Variants in CTNNA2 observed in about 807,000 individuals in gnomAD.
CTNNA2 encodes the protein catenin alpha-2.
A neutral mutation model predicts 101.0 loss-of-function variants in CTNNA2; 42 were observed. The ratio of observed to expected loss-of-function variants is 0.42; its 90% CI spans 0.32 to 0.54. CTNNA2 has a LOEUF of 0.54. Ranked by LOEUF, CTNNA2 falls within the 20% of genes least tolerant of loss-of-function variation. CTNNA2 has a pLI of 0.14. For synonymous variants in CTNNA2, 450 were observed against 456.4 expected, an observed-to-expected ratio of 0.99 and a Z score of 0.18; for missense variants, 871 against 1,223.1, an observed-to-expected ratio of 0.71 and a Z score of 4.29.
chr2:79,635,227 C>T (rs192974922), intron 1 of CTNNA2, among the ~76,000 whole-genome samples: 4 of 152,102 alleles, frequency 2.6e-5, no homozygotes, highest in Admixed American at 1.3e-4. Flanking sequence ...GAAAGGAATT[C>T]GAGACCATCC....
At chr2:79,938,312 A>AT (rs1687925256) in intron 7 of CTNNA2, among the ~76,000 whole-genome samples, 1 of 152,166 alleles carries the variant, frequency 6.6e-6, no homozygotes, top group African/African-American at 2.4e-5. Flanking sequence ...TCATTATATG[A>AT]TTTTTTCACA....
intron 1 of CTNNA2, among the ~76,000 whole-genome samples, chr2:79,650,971 AT>A (rs1558803861): frequency 6.6e-6 from 1 of 152,126 alleles, no homozygotes; most frequent in African/African-American, 2.4e-5. Context: ...TGAACTCATC[AT>A]TTTTTATGGC....
intron 2 of CTNNA2, among the ~76,000 whole-genome samples, chr2:79,286,345 G>A (rs1558603531): frequency 6.6e-6 from 1 of 152,194 alleles, no homozygotes; most frequent in Non-Finnish European, 1.5e-5. Flanking sequence ...TTTCTTCCTA[G>A]TCTTGATGGT....
At chr2:80,175,888 A>G (rs918567000) in intron 7 of CTNNA2, among the ~76,000 whole-genome samples, 6 of 152,184 alleles carry the variant, frequency 3.9e-5, no homozygotes, top group African/African-American at 1.4e-4. Context: ...CGAGGGCAGG[A>G]AGCATCCAGC....
intron 12 of CTNNA2, among the ~76,000 whole-genome samples, chr2:80,560,946 CT>C (rs1170882451): frequency 6.6e-6 from 1 of 151,688 alleles, no homozygotes; most frequent in South Asian, 2.1e-4. Context: ...TACACTTTGT[CT>C]TTTTTTTCTG....
chr2:79,506,081 A>G (rs955710015), intron 5 of CTNNA2, among the ~76,000 whole-genome samples: 5 of 152,222 alleles, frequency 3.3e-5, no homozygotes, highest in African/African-American at 1.2e-4. Flanking sequence ...TTGGAGATCT[A>G]TTAGTTCAGT....
chr2:79,348,868 T>C (rs1677321438), intron 3 of CTNNA2, among the ~76,000 whole-genome samples: 1 of 152,196 alleles, frequency 6.6e-6, no homozygotes, highest in African/African-American at 2.4e-5. Context: ...CTTTCTTTAC[T>C]TTGATCATGG....
intron 3 of CTNNA2, among the ~76,000 whole-genome samples, chr2:79,371,694 C>T (rs1399607708): frequency 6.6e-6 from 1 of 152,088 alleles, no homozygotes; most frequent in Non-Finnish European, 1.5e-5. Context: ...TCCCAGATTG[C>T]CTGGAACTAT....
intron 7 of CTNNA2, among the ~76,000 whole-genome samples, chr2:80,386,227 C>A (rs1045728979): frequency 1.3e-5 from 2 of 152,090 alleles, no homozygotes; most frequent in Non-Finnish European, 2.9e-5. Context: ...CCTTCCCTTC[C>A]CCACCACCAC....
intron 18 of CTNNA2, among the ~76,000 whole-genome samples, chr2:80,643,011 C>T (rs1430082227): frequency 6.6e-6 from 1 of 152,006 alleles, no homozygotes; most frequent in Non-Finnish European, 1.5e-5. Context: ...GCTCTCCTGC[C>T]CCTATTTGCT....
intron 3 of CTNNA2, among the ~76,000 whole-genome samples, chr2:79,785,100 C>G (rs1194640269): frequency 3.3e-5 from 5 of 152,162 alleles, no homozygotes; most frequent in South Asian, 2.1e-4. Flanking sequence ...GGGATGGCCT[C>G]CTATTTGCTT....
rs149080973 is a variant in CTNNA2 at position 79,203,431 on chromosome 2, C to T, written c.-406+5355C>T. ...GCACAAACATATAGAGTCAAGAAAT[C>T]GAATTACAAATGGAGGGAAAAAGAC... On this transcript the variant is annotated intron_variant, in intron 2 of 21. Coordinates refer to the CTNNA2 transcript ENST00000466387. Among the ~76,000 whole-genome samples the T allele has an allele frequency of 9.6e-4, 146 of 152,048 alleles. 1 individual carries two copies. Among genetic ancestry groups the T allele is most frequent in the Middle Eastern group, 3.4e-3 (1 of 294 alleles).
intron 7 of CTNNA2, among the ~76,000 whole-genome samples, chr2:80,335,776 G>C (rs889635442): frequency 1.3e-5 from 2 of 152,170 alleles, no homozygotes; most frequent in African/African-American, 4.8e-5. Flanking sequence ...CCCAATTCCT[G>C]TGAATTGAAG....
chr2:80,010,039 A>C (rs1306450299), intron 7 of CTNNA2, among the ~76,000 whole-genome samples: 1 of 151,506 alleles, frequency 6.6e-6, no homozygotes, highest in Non-Finnish European at 1.5e-5. Flanking sequence ...CTTAGAATTA[A>C]ATGTGATTAA....
At chr2:79,672,990 G>A (rs1682948146) in intron 2 of CTNNA2, among the ~76,000 whole-genome samples, 1 of 152,000 alleles carries the variant, frequency 6.6e-6, no homozygotes, top group African/African-American at 2.4e-5. Context: ...TTACAGGTGT[G>A]AGCCACAGGG....
chr2:80,400,462 G>A (rs943917940), intron 8 of CTNNA2, among the ~76,000 whole-genome samples: 2 of 152,140 alleles, frequency 1.3e-5, no homozygotes, highest in Non-Finnish European at 2.9e-5. Context: ...GGCTGAGGGA[G>A]TTCAACATTG....
chr2:79,832,969 A>G (rs1235291463), intron 3 of CTNNA2, among the ~76,000 whole-genome samples: 1 of 152,218 alleles, frequency 6.6e-6, no homozygotes, highest in Non-Finnish European at 1.5e-5. Context: ...TTCTTAGAAA[A>G]TGAAACTGAT....
chr2:80,180,946 C>A lies in CTNNA2; in HGVS notation c.1057-212265C>A, dbSNP rs1005352251. ...AATGCAGAATCCCTGCTTAGTGGAC[C>A]CAAATCAATAAATTCAGCCTGATCC... On this transcript the variant is annotated intron_variant, in intron 7 of 18. Transcript: ENST00000402739. Among the ~76,000 whole-genome samples the A allele has an allele frequency of 3.2e-4, 49 of 152,174 alleles. 1 individual carries two copies. Among genetic ancestry groups the A allele is most frequent in the Non-Finnish European group, 1.0e-4 (7 of 68,040 alleles).
chr2:80,519,861 G>A (rs926895910), intron 9 of CTNNA2, among the ~76,000 whole-genome samples: 1 of 152,130 alleles, frequency 6.6e-6, no homozygotes, highest in African/African-American at 2.4e-5. Flanking sequence ...ATAATGGCCA[G>A]GTGTCCTCAC....
Sources: gnomAD v4.1 joint callset for allele counts (sites outside exome capture counted in the v4.1 genomes callset) on GRCh38, gnomAD v4.1.1 for gene constraint, MANE v1.5 for transcripts, NCBI Gene and HGNC (gene_info 2026-07-23, HGNC 2026-07-21) for gene names.